Variants in UGGT2 observed in about 807,000 individuals in gnomAD.
UGGT2 encodes UDP-glucose glycoprotein glucosyltransferase 2.
UGGT2 carries 180 observed loss-of-function variants against 192.1 expected under a neutral mutation model. The ratio of observed to expected loss-of-function variants is 0.94; its 90% CI spans 0.83 to 1.06. The LOEUF is 1.06. UGGT2 is among the 50% of genes least tolerant of loss of function. The pLI is 0.00. For synonymous variants in UGGT2, 580 were observed against 591.0 expected, an observed-to-expected ratio of 0.98 and a Z score of 0.27; for missense variants, 1,849 against 1,795.7, an observed-to-expected ratio of 1.03 and a Z score of -0.54.
chr13:95,950,919 G>A (rs1321664418), intron 12 of UGGT2, among the ~76,000 whole-genome samples: 1 of 152,062 alleles, frequency 6.6e-6, no homozygotes, highest in Non-Finnish European at 1.5e-5. Context: ...AAGTGTGAGA[G>A]AGATTAGGAA....
chr13:95,994,999 C>A (rs1312836226), intron 7 of UGGT2, among the ~76,000 whole-genome samples: 1 of 151,792 alleles, frequency 6.6e-6, no homozygotes, highest in Non-Finnish European at 1.5e-5. Context: ...TCTAGTTATC[C>A]CAGGGATACC....
intron 5 of UGGT2, among the ~76,000 whole-genome samples, chr13:95,999,826 A>G (rs1234568855): frequency 1.3e-5 from 2 of 152,228 alleles, no homozygotes; most frequent in East Asian, 3.8e-4. Context: ...TTGTTTCTCA[A>G]TGATTAAAAT....
At chr13:95,861,762 A>T (rs1252531719) in intron 31 of UGGT2, among the ~76,000 whole-genome samples, 1 of 152,092 alleles carries the variant, frequency 6.6e-6, no homozygotes, top group Non-Finnish European at 1.5e-5. Flanking sequence ...AGTATTTTTC[A>T]AATCTTGTAA....
At chr13:95,831,969 AAATT>A (rs1031689420) in intron 38 of UGGT2, among the ~76,000 whole-genome samples, 1 of 152,004 alleles carries the variant, frequency 6.6e-6, no homozygotes, top group Non-Finnish European at 1.5e-5. Context: ...TATCTATACT[AAATT>A]ATTATACATA....
chr13:95,970,323 A>G, intron 11 of UGGT2, 61 bp from the exon 12 acceptor site: 1 of 1,462,470 alleles, frequency 6.8e-7, no homozygotes, highest in East Asian at 2.3e-5. Context: ...CAAATGTTTT[A>G]AAGTTTGATA....
At chr13:95,870,769 T>C (rs1477172650) in intron 29 of UGGT2, among the ~76,000 whole-genome samples, 1 of 152,198 alleles carries the variant, frequency 6.6e-6, no homozygotes, top group Non-Finnish European at 1.5e-5. Context: ...GTCCCTCCCC[T>C]CCAAAACTCA....
chr13:96,041,074 T>C (rs1000673108), intron 1 of UGGT2, among the ~76,000 whole-genome samples: 29 of 152,288 alleles, frequency 1.9e-4, no homozygotes, highest in African/African-American at 6.3e-4. Context: ...CCAGAACTGC[T>C]GCAGGAATAA....
chr13:95,986,114 C>T (rs1594512645), intron 9 of UGGT2, among the ~76,000 whole-genome samples: 1 of 149,034 alleles, frequency 6.7e-6, no homozygotes, highest in African/African-American at 2.5e-5. Context: ...TTGCCTCTAA[C>T]AAGAGTTCTA....
intron 1 of UGGT2, among the ~76,000 whole-genome samples, chr13:96,048,998 C>A (rs2139236883): frequency 6.6e-6 from 1 of 152,290 alleles, no homozygotes; most frequent in South Asian, 2.1e-4. Context: ...CAGCATCATC[C>A]TGATACCAAA....
chr13:96,046,506 A>G (rs1163435749), intron 1 of UGGT2, among the ~76,000 whole-genome samples: 1 of 152,156 alleles, frequency 6.6e-6, no homozygotes, highest in Non-Finnish European at 1.5e-5. Context: ...AGATGGCTGA[A>G]TAGGAACAGC....
intron 38 of UGGT2, among the ~76,000 whole-genome samples, chr13:95,827,721 A>G (rs1355863470): frequency 6.6e-6 from 1 of 152,006 alleles, no homozygotes; most frequent in African/African-American, 2.4e-5. Flanking sequence ...AAGTATGGTT[A>G]ACTATTAGTC....
intron 3 of UGGT2, 122 bp from the exon 4 acceptor site, chr13:96,023,274 A>G (rs1350573140): frequency 1.3e-6 from 1 of 766,758 alleles, no homozygotes; most frequent in Non-Finnish European, 1.9e-6. Flanking sequence ...TGCTCTAATT[A>G]AAGTAAAAAA....
intron 36 of UGGT2, among the ~76,000 whole-genome samples, chr13:95,843,632 T>G (rs1352704034): frequency 6.6e-6 from 1 of 152,158 alleles, no homozygotes; most frequent in Non-Finnish European, 1.5e-5. Flanking sequence ...TGGAATTAAT[T>G]TTTACTTACG....
intron 5 of UGGT2, among the ~76,000 whole-genome samples, chr13:96,001,343 T>C (rs1281892637): frequency 6.6e-6 from 1 of 152,118 alleles, no homozygotes; most frequent in African/African-American, 2.4e-5. Context: ...ACTGAGTACC[T>C]TGCGACCCCC....
intron 29 of UGGT2, among the ~76,000 whole-genome samples, chr13:95,868,404 T>C (rs1890877431): frequency 7.5e-6 from 1 of 132,988 alleles, no homozygotes; most frequent in Non-Finnish European, 1.7e-5. Flanking sequence ...GAGACCAGCC[T>C]GGGCAACAGT....
At chr13:95,971,340 C>T (rs2050766929) in intron 11 of UGGT2, among the ~76,000 whole-genome samples, 1 of 152,062 alleles carries the variant, frequency 6.6e-6, no homozygotes. Context: ...TAATTTTATT[C>T]CACATCCTCT....
intron 29 of UGGT2, among the ~76,000 whole-genome samples, chr13:95,876,342 G>T (rs914162480): frequency 2.0e-5 from 3 of 152,206 alleles, no homozygotes; most frequent in Non-Finnish European, 4.4e-5. Context: ...CTGAATTTGT[G>T]GGGGCTGGCC....
chr13:95,909,277 A>G (rs939040760), intron 20 of UGGT2, among the ~76,000 whole-genome samples: 8 of 152,118 alleles, frequency 5.3e-5, no homozygotes, highest in African/African-American at 1.9e-4. Context: ...ACTATGAATC[A>G]TGCTGCTATA....
At chr13:95,828,119 T>C (rs1430309039) in intron 38 of UGGT2, among the ~76,000 whole-genome samples, 1 of 151,968 alleles carries the variant, frequency 6.6e-6, no homozygotes, top group Non-Finnish European at 1.5e-5. Context: ...ATTAAACCTC[T>C]CTCTCTGCTG....
Sources: allele counts gnomAD v4.1 joint callset (sites outside exome capture counted in the v4.1 genomes callset), GRCh38; gene constraint gnomAD v4.1.1; transcripts MANE v1.5; gene names NCBI Gene and HGNC (gene_info 2026-07-23, HGNC 2026-07-21).